The following PRAG1 variants were observed in gnomAD, a reference collection of about 807,000 sequenced individuals.
The protein encoded by PRAG1 is PEAK1 related, kinase-activating pseudokinase 1.
Under a neutral mutation model 95.6 loss-of-function variants are expected in PRAG1, and 110 were observed. The ratio of observed to expected loss-of-function variants is 1.15; its 90% CI spans 0.99 to 1.35. The LOEUF (loss-of-function observed/expected upper bound fraction) is 1.35, where lower values mean the gene tolerates loss of function less well. Ranked by LOEUF, PRAG1 falls within the 40% of genes most tolerant of loss-of-function variation. The pLI, the probability that PRAG1 is intolerant of heterozygous loss-of-function variation, is 0.00. For synonymous variants in PRAG1, 1,052 were observed against 819.4 expected (o/e 1.28, Z -4.85); for missense variants, 2,554 against 1,864.7 (o/e 1.37, Z -6.81).
chr8:8,385,863 G>T (rs1210425369), intron 1 of PRAG1, among the ~76,000 whole-genome samples: 3 of 151,986 alleles, frequency 2.0e-5, no homozygotes, highest in Admixed American at 2.0e-4. Flanking sequence ...CCCCGCTGCT[G>T]CATACCCTGC....
At chr8:8,328,726 T>C (rs1316792893) in intron 4 of PRAG1, among the ~76,000 whole-genome samples, 1 of 152,148 alleles carries the variant, frequency 6.6e-6, no homozygotes, top group Non-Finnish European at 1.5e-5. Context: ...GTCAGTAGTG[T>C]TTCATGCATC....
At chr8:8,333,215 C>G (rs1000901680) in intron 4 of PRAG1, among the ~76,000 whole-genome samples, 2 of 152,114 alleles carry the variant, frequency 1.3e-5, no homozygotes, top group African/African-American at 4.8e-5. Context: ...GTCTCAGTTG[C>G]CTCATTTGTT....
At chr8:8,353,425 G>T (rs1307284456) in intron 3 of PRAG1, among the ~76,000 whole-genome samples, 1 of 151,882 alleles carries the variant, frequency 6.6e-6, no homozygotes, top group Non-Finnish European at 1.5e-5. Context: ...TAACAGATAT[G>T]TAATAATGAA....
rs200340792 is a variant in PRAG1 at position 8,328,262 on chromosome 8, G to A, written c.2520C>T (p.Pro840=). 3.2e-5 allele frequency: 52 copies of A among 1,614,154 alleles called. No homozygotes were observed. In the Admixed American group the frequency reaches 5.2e-4, roughly 16 times the overall value. ...GFFWTQGSPK[P]GTASPKLNLS... ...GGTTCAGCTTGGGGCTTGCTGTTCC[G>A]GGCTTGGGGGAGCCTTGGGTCCAGA... The change falls in exon 5 of 6, where the codon CCC becomes CCT. Residue 840 remains proline, a synonymous_variant. Coordinates refer to ENST00000615670, the MANE Select transcript of PRAG1 (RefSeq NM_001080826.3).
intron 3 of PRAG1, among the ~76,000 whole-genome samples, chr8:8,345,046 G>GGGGT (rs1346555417): frequency 2.2e-5 from 3 of 133,992 alleles, no homozygotes; most frequent in Non-Finnish European, 3.2e-5. Context: ...TTATCCGCAG[G>GGGGT]GTGTGTGTGT....
chr8:8,346,971 G>A (rs753888017), intron 3 of PRAG1, among the ~76,000 whole-genome samples: 2 of 152,174 alleles, frequency 1.3e-5, no homozygotes, highest in East Asian at 1.9e-4. Context: ...AAATACACTA[G>A]TAAGTTTAGT....
intron 4 of PRAG1, among the ~76,000 whole-genome samples, chr8:8,338,263 G>A (rs921731142): frequency 6.6e-6 from 1 of 152,176 alleles, no homozygotes; most frequent in Non-Finnish European, 1.5e-5. Flanking sequence ...CCTGCGAGTG[G>A]ACGTCATGGT....
intron 3 of PRAG1, among the ~76,000 whole-genome samples, chr8:8,349,302 A>G (rs1050198446): frequency 7.4e-6 from 1 of 135,024 alleles, no homozygotes; most frequent in Non-Finnish European, 1.5e-5. Context: ...ATTTTTTGAG[A>G]CAGAGTCTCG....
intron 3 of PRAG1, among the ~76,000 whole-genome samples, chr8:8,370,322 A>G (rs1800149700): frequency 6.6e-6 from 1 of 152,236 alleles, no homozygotes; most frequent in Non-Finnish European, 1.5e-5. Context: ...CATTGTTGGT[A>G]CATATGCTTT....
rs369786397 is a variant in PRAG1 at position 8,383,904 on chromosome 8, G to C, written c.-87-2070C>G. 8.5e-5 allele frequency among the ~76,000 whole-genome samples: 13 copies of C among 152,348 alleles called. No homozygotes were observed. The East Asian group carries it at 9.7e-4, about 11-fold the overall frequency. On this transcript the variant is annotated intron_variant, in intron 1 of 5. Transcript: ENST00000615670. ...TTGGGAGGGGGAAAAAGCAGAGGAA[G>C]TATTCCAGCCTTCAGGAATAGGCAG...
intron 4 of PRAG1, among the ~76,000 whole-genome samples, chr8:8,337,383 A>C (rs1799023985): frequency 6.6e-6 from 1 of 152,226 alleles, no homozygotes; most frequent in African/African-American, 2.4e-5. Flanking sequence ...AGCGGTGAGA[A>C]GTGAATGAAG....
chr8:8,371,166 C>T (rs2116918317), intron 3 of PRAG1, among the ~76,000 whole-genome samples: 1 of 151,324 alleles, frequency 6.6e-6, no homozygotes, highest in Non-Finnish European at 1.5e-5. Context: ...GAGCAAAAGC[C>T]CAAGAATAGA....
chr8:8,346,297 C>T (rs993030307), intron 3 of PRAG1, among the ~76,000 whole-genome samples: 1 of 152,218 alleles, frequency 6.6e-6, no homozygotes, highest in African/African-American at 2.4e-5. Context: ...TTCTTATCAT[C>T]TACAGTGAGA....
At chr8:8,375,613 C>G (rs1351724179) in intron 3 of PRAG1, among the ~76,000 whole-genome samples, 1 of 152,140 alleles carries the variant, frequency 6.6e-6, no homozygotes, top group Non-Finnish European at 1.5e-5. Context: ...GTTTATTGAG[C>G]ACGCATTTAT....
chr8:8,357,420 C>CA (rs1386604167), intron 3 of PRAG1, among the ~76,000 whole-genome samples: 2 of 152,120 alleles, frequency 1.3e-5, no homozygotes, highest in African/African-American at 4.8e-5. Context: ...CCACAAGGGC[C>CA]AGTAAGCACA....
At chr8:8,320,575 T>C (rs1265572933) in intron 5 of PRAG1, among the ~76,000 whole-genome samples, 2 of 152,052 alleles carry the variant, frequency 1.3e-5, no homozygotes, top group African/African-American at 4.8e-5. Flanking sequence ...CTCTCTCAAA[T>C]GAATATTATG....
chr8:8,329,356 A>G (rs1798748123), intron 4 of PRAG1, among the ~76,000 whole-genome samples: 1 of 151,922 alleles, frequency 6.6e-6, no homozygotes, highest in Non-Finnish European at 1.5e-5. Flanking sequence ...TTGCGCCACT[A>G]CACTCAGCCT....
At chr8:8,335,912 T>C (rs1798969483) in intron 4 of PRAG1, among the ~76,000 whole-genome samples, 1 of 152,230 alleles carries the variant, frequency 6.6e-6, no homozygotes, top group African/African-American at 2.4e-5. Flanking sequence ...CAACAATATC[T>C]ATCAAATGAA....
intron 3 of PRAG1, among the ~76,000 whole-genome samples, chr8:8,371,088 G>C (rs1472462038): frequency 2.1e-5 from 3 of 143,466 alleles, no homozygotes; most frequent in Admixed American, 7.2e-5. Context: ...GTAAGGCAAG[G>C]TACCACCACT....
Sources: allele counts gnomAD v4.1 joint callset (sites outside exome capture counted in the v4.1 genomes callset), GRCh38; gene constraint gnomAD v4.1.1; transcripts MANE v1.5; gene names NCBI Gene and HGNC (gene_info 2026-07-23, HGNC 2026-07-21).